The following NRXN3 variants were observed in gnomAD, a reference collection of about 807,000 sequenced individuals.
NRXN3 encodes the protein neurexin III.
In NRXN3, 32 loss-of-function variants were observed where a neutral mutation model predicts 137.6. That is an observed-to-expected ratio of 0.23 (90% CI 0.18 to 0.31). The LOEUF is 0.31. Among genes scored for constraint, NRXN3 ranks in the 10% least tolerant of loss-of-function variants. NRXN3 has a pLI of 1.00. For missense variants in NRXN3, 1,574 were observed against 2,062.5 expected (o/e 0.76, Z 4.59); for synonymous variants, 798 against 784.5 (o/e 1.02, Z -0.29).
rs184167405 is a variant in NRXN3, at chr14:78,412,711, G to A, written c.757+114851G>A. On this transcript the variant is annotated intron_variant, in intron 4 of 20. Coordinates refer to ENST00000335750, the MANE Select transcript of NRXN3 (RefSeq NM_001330195.2). ...TTGAGCTCTTAACCGCTGCTCACCC[G>A]ACTCCATAGACCAAACCTGTGGTTT... is the stretch of plus-strand genomic sequence containing the variant. 2.0e-4 allele frequency among the ~76,000 whole-genome samples: 30 copies of A among 152,262 alleles called. No homozygotes were observed. In the East Asian group the frequency reaches 3.1e-3, roughly 16 times the overall value.
chr14:78,235,197 A>G (rs2066113890), intron 1 of NRXN3, among the ~76,000 whole-genome samples: 2 of 151,890 alleles, frequency 1.3e-5, no homozygotes, highest in African/African-American at 4.8e-5. Context: ...CTTATTAGAT[A>G]TAGGCTGTAG....
At chr14:79,260,582 G>C (rs1170262296) in intron 15 of NRXN3, among the ~76,000 whole-genome samples, 7 of 151,958 alleles carry the variant, frequency 4.6e-5, no homozygotes, top group Non-Finnish European at 5.9e-5. Flanking sequence ...CTCAGTTTGG[G>C]GGCTGAATTC....
intron 15 of NRXN3, among the ~76,000 whole-genome samples, chr14:79,370,294 T>C (rs756692745): frequency 3.3e-5 from 5 of 150,726 alleles, no homozygotes; most frequent in African/African-American, 7.3e-5. Flanking sequence ...TCGGGTTTTT[T>C]TTGTTTCTGT....
chr14:79,741,948 C>T (rs1159074749), intron 19 of NRXN3, among the ~76,000 whole-genome samples: 20 of 152,130 alleles, frequency 1.3e-4, no homozygotes, highest in Admixed American at 1.3e-3. Context: ...AAGAGTATTG[C>T]ACTAATGTTT....
intron 15 of NRXN3, among the ~76,000 whole-genome samples, chr14:78,994,879 G>C (rs1598345356): frequency 6.6e-6 from 1 of 152,236 alleles, no homozygotes; most frequent in African/African-American, 2.4e-5. Flanking sequence ...CCTTTATAAG[G>C]ATATCATTCT....
intron 4 of NRXN3, among the ~76,000 whole-genome samples, chr14:78,515,135 A>G (rs1222006624): frequency 6.6e-6 from 1 of 152,164 alleles, no homozygotes; most frequent in East Asian, 1.9e-4. Flanking sequence ...AGGAAAGCCA[A>G]AAGATGAAGG....
intron 15 of NRXN3, among the ~76,000 whole-genome samples, chr14:79,048,116 C>T (rs2099635737): frequency 6.6e-6 from 1 of 152,020 alleles, no homozygotes; most frequent in South Asian, 2.1e-4. Flanking sequence ...AATGCAACAA[C>T]ATGTATGCAT....
Position 79,464,694 on chromosome 14 carries a change from T to C in NRXN3, c.3263-2527T>C, listed in dbSNP as rs369857514. ...TAAGTACAGACAACTGTTTGCCCCA[T>C]TGGTGTAGTTTATTGATACAGTTTA... On this transcript the variant is annotated intron_variant, in intron 15 of 20. Transcript: ENST00000335750. Among the ~76,000 whole-genome samples the C allele has an allele frequency of 1.9e-3, 292 of 152,258 alleles. 1 individual carries two copies. The highest frequency in any genetic ancestry group is 6.3e-3 in the African/African-American group (260 of 41,562).
intron 4 of NRXN3, among the ~76,000 whole-genome samples, chr14:78,563,234 T>A (rs1374661117): frequency 1.3e-5 from 2 of 152,232 alleles, no homozygotes; most frequent in African/African-American, 4.8e-5. Flanking sequence ...TTTGCTATAT[T>A]TTGTTGATCA....
intron 6 of NRXN3, among the ~76,000 whole-genome samples, chr14:78,678,028 T>C (rs994645184): frequency 6.6e-6 from 1 of 152,200 alleles, no homozygotes; most frequent in Non-Finnish European, 1.5e-5. Context: ...AATTTTTGTA[T>C]GCACCAGGAA....
chr14:79,208,801 A>G (rs1029223485), intron 15 of NRXN3, among the ~76,000 whole-genome samples: 1 of 152,226 alleles, frequency 6.6e-6, no homozygotes, highest in Admixed American at 6.5e-5. Context: ...CCTTAGAATC[A>G]ATTTTCAGAA....
At chr14:78,289,577 A>G (rs1320799129) in intron 3 of NRXN3, among the ~76,000 whole-genome samples, 1 of 151,458 alleles carries the variant, frequency 6.6e-6, no homozygotes, top group Non-Finnish European at 1.5e-5. Flanking sequence ...TTCATGCCAA[A>G]TGTGCTTGTT....
At chr14:79,339,182 C>G (rs1224982568) in intron 15 of NRXN3, among the ~76,000 whole-genome samples, 1 of 152,036 alleles carries the variant, frequency 6.6e-6, no homozygotes, top group Non-Finnish European at 1.5e-5. Context: ...GGCCAGATTA[C>G]TTTATAGCCA....
At chr14:78,391,498 C>T (rs2090768466) in intron 4 of NRXN3, among the ~76,000 whole-genome samples, 1 of 151,916 alleles carries the variant, frequency 6.6e-6, no homozygotes, top group African/African-American at 2.4e-5. Flanking sequence ...TCACTCAAGC[C>T]TGTTTGGTTG....
At chr14:78,573,550 C>G (rs1156546970) in intron 4 of NRXN3, among the ~76,000 whole-genome samples, 1 of 152,148 alleles carries the variant, frequency 6.6e-6, no homozygotes, top group Non-Finnish European at 1.5e-5. Context: ...GCATTTCACC[C>G]CTGCCCTAGA....
At chr14:79,387,661 T>G in intron 15 of NRXN3, among the ~76,000 whole-genome samples, 1 of 151,786 alleles carries the variant, frequency 6.6e-6, no homozygotes, top group East Asian at 1.9e-4. Flanking sequence ...CATGTATATT[T>G]TATTGCAGCA....
chr14:78,617,122 G>A (rs79348104), intron 4 of NRXN3, among the ~76,000 whole-genome samples: 4,312 of 152,164 alleles, frequency 0.028, 133 homozygotes, highest in East Asian at 0.18. Flanking sequence ...GCCCTGATAT[G>A]TATATATATT....
intron 10 of NRXN3, among the ~76,000 whole-genome samples, chr14:78,913,250 C>CCTTTCT (rs2099244609): frequency 1.2e-5 from 1 of 84,464 alleles, no homozygotes. Context: ...CCTTTCTTTT[C>CCTTTCT]TTTCTTTCTT....
rs111814327 is a variant in NRXN3, at chr14:79,199,050, C to A, written c.3262+210909C>A. Among the ~76,000 whole-genome samples the A allele has an allele frequency of 4.2e-3, 634 of 152,194 alleles. 1 individual carries two copies. Among genetic ancestry groups the A allele is most frequent in the Non-Finnish European group, 6.8e-3 (462 of 67,996 alleles). On this transcript the variant is annotated intron_variant, in intron 15 of 20. Coordinates refer to ENST00000335750, the MANE Select transcript of NRXN3 (RefSeq NM_001330195.2). ...GGCTTGGTGACATGCGCCTGTAGTC[C>A]CAGCTACTCTAGAGACTGAGGCAGG...
Sources: allele counts gnomAD v4.1 joint callset (sites outside exome capture counted in the v4.1 genomes callset), GRCh38; gene constraint gnomAD v4.1.1; transcripts MANE v1.5; gene names NCBI Gene and HGNC (gene_info 2026-07-23, HGNC 2026-07-21).